The following DDX3X variants were observed in gnomAD, a reference collection of about 807,000 sequenced individuals.
DDX3X encodes the protein ATP-dependent RNA helicase DDX3X.
A neutral mutation model predicts 52.7 loss-of-function variants in DDX3X; 4 were observed. The observed-to-expected ratio is 0.08, with a 90% CI of 0.04 to 0.17. DDX3X has a LOEUF of 0.17. Ranked by LOEUF, DDX3X falls within the 10% of genes least tolerant of loss-of-function variation. The pLI is 1.00. For missense variants in DDX3X, 222 were observed against 548.6 expected, an observed-to-expected ratio of 0.40 and a Z score of 5.95; for synonymous variants, 192 against 178.1, an observed-to-expected ratio of 1.08 and a Z score of -0.62.
At position 41,346,666 on chromosome X, in the gene DDX3X, A is replaced by T. The variant is rs780407589; in HGVS notation, c.1615+44A>T. 10 of 1,057,633 alleles carry T rather than the reference A, an allele frequency of 9.5e-6. No homozygotes were observed. In the Admixed American group the frequency reaches 9.7e-5, roughly 10 times the overall value. 87.2% of individuals were successfully genotyped at this position (1,057,633 alleles called of 1,213,427 possible). On this transcript the variant is annotated intron_variant, in intron 14 of 16. Coordinates refer to ENST00000644876, the MANE Select transcript of DDX3X (RefSeq NM_001356.5). Reference sequence around the variant, plus strand: ...GATGGTTTCATTGTTTTTTGCTGTGATGTGTGCAGGAAAGAACTTGCTAGG... The same window carrying T: ...GATGGTTTCATTGTTTTTTGCTGTGTTGTGTGCAGGAAAGAACTTGCTAGG...
chrX:41,344,022 T>C lies in DDX3X; in HGVS notation c.766-8T>C. On this transcript the variant is annotated splice_region_variant and splice_polypyrimidine_tract_variant and intron_variant, in intron 8 of 16. Transcript: ENST00000644876. ...TAGAGTTAACTTAAAAATTAACTTA[T>C]TTCTTAGGAAAATGGAAGGTATGGG... 1.8e-5 allele frequency: 22 copies of C among 1,191,852 alleles called. No individual in the cohort carries two copies. The highest frequency in any genetic ancestry group is 2.5e-5 in the Non-Finnish European group (22 of 885,734).
chrX:41,357,212 G>A (rs2064012930), intron 5 of DDX3X, among the ~76,000 whole-genome samples: 1 of 111,160 alleles, frequency 9.0e-6, no homozygotes, highest in Admixed American at 9.7e-5. Flanking sequence ...GGGATTACAA[G>A]CGTGAGCCAC....
chrX:41,345,673 C>T (rs988910974), intron 12 of DDX3X, 125 bp downstream of exon 12: 1 of 620,428 alleles, frequency 1.6e-6, no homozygotes, highest in Non-Finnish European at 2.4e-6. Flanking sequence ...TTGACCTGCT[C>T]TGTTTCTGAC....
rs750187385 is a variant in DDX3X at position 41,342,522 on chromosome X, C to T, written c.312C>T (p.Tyr104=). 13 of 1,209,879 alleles carry T rather than the reference C, an allele frequency of 1.1e-5. No homozygotes were observed. In the South Asian group the frequency reaches 1.4e-4, roughly 13 times the overall value. ...TTGATGATCGTGGACGGAGTGATTA[C>T]GATGGCATTGGCAGCCGTGGTGACA... The part of the protein sequence containing the change: ...GRFDDRGRSD[Y]DGIGSRGDRS... The change falls in exon 5 of 17, where the codon TAC becomes TAT. Residue 104 remains tyrosine (Y), a synonymous_variant. Transcript: ENST00000644876.
rs140676532 is a variant in DDX3X, at chrX:41,335,470, T to G, written c.45+1173T>G. 8.2e-3 allele frequency: 906 copies of G among 110,720 alleles called. 10 individuals are homozygous for G. Among genetic ancestry groups the G allele is most frequent in the African/African-American group, 0.028 (839 of 30,352 alleles). The allele number at this position is 110,720 out of a possible 1,213,427, so 9.1% of individuals were successfully genotyped here. A position where few individuals can be genotyped will look rare whatever the true frequency, so the allele number is the denominator to read the frequency against. Reference sequence around the variant, plus strand: ...TTTAGGGGCAGAGGAGAGAAAGATGTGTGATTTGAGAGGAGAAGGTTATGG... The same window carrying G: ...TTTAGGGGCAGAGGAGAGAAAGATGGGTGATTTGAGAGGAGAAGGTTATGG... On this transcript the variant is annotated intron_variant, in intron 1 of 16. Coordinates refer to ENST00000644876, the MANE Select transcript of DDX3X (RefSeq NM_001356.5).
intron 5 of DDX3X, among the ~76,000 whole-genome samples, chrX:41,356,899 C>T (rs1254091055): frequency 1.9e-5 from 2 of 107,359 alleles, no homozygotes; most frequent in East Asian, 5.8e-4. Flanking sequence ...GCCTATCCTT[C>T]CACCATTCCT....
chrX:41,354,368 G>T, downstream of DDX3X, among the ~76,000 whole-genome samples: 1 of 32,769 alleles, frequency 3.1e-5, no homozygotes, highest in East Asian at 8.5e-3. Context: ...TTTTGAGACA[G>T]GGTTGCGCAG....
chrX:41,358,901 GGT>G (rs1199051520), intron 5 of DDX3X, among the ~76,000 whole-genome samples: 1 of 111,566 alleles, frequency 9.0e-6, no homozygotes, highest in African/African-American at 3.3e-5. Context: ...TGGGATTACA[GGT>G]GCCCACCACC....
intron 12 of DDX3X, 59 bp from the exon 13 acceptor site, chrX:41,346,170 T>C (rs1451165701): frequency 3.9e-6 from 4 of 1,037,232 alleles, no homozygotes; most frequent in Non-Finnish European, 5.2e-6. Flanking sequence ...TGTGCATACA[T>C]AAGTGCAAAG....
intron 16 of DDX3X, 58 bp from the exon 17 acceptor site, chrX:41,347,582 T>A (rs187369905): frequency 8.9e-7 from 1 of 1,121,594 alleles, no homozygotes; most frequent in African/African-American, 1.8e-5. Flanking sequence ...AAGGGAAGGA[T>A]TGTATTTAAT....
rs2063940667 is a variant in DDX3X at position 41,347,390 on chromosome X, C to T, written c.1848C>T (p.Ser616=). ...SGASSSSFSS[S]RASSSRSGGG... ...CCAGCAGTTCCAGCTTCAGCAGCAG[C>T]CGCGCAAGCAGCAGCCGCAGTGGCG... Residue 616 remains serine (S), a synonymous_variant, in exon 16 of 17, where the codon AGC becomes AGT. Coordinates refer to ENST00000644876, the MANE Select transcript of DDX3X (RefSeq NM_001356.5). The T allele has an allele frequency of 1.7e-6, 2 of 1,209,800 alleles. No homozygotes were observed. Among genetic ancestry groups the T allele is most frequent in the Non-Finnish European group, 2.2e-6 (2 of 895,004 alleles).
Position 41,346,827 on chromosome X carries a change from T to C in DDX3X, c.1616-32T>C, listed in dbSNP as rs781310064. Reference sequence around the variant, plus strand: ...TAGCAAGTTACTTTATGGAAGACCTTTGTTTATATACTTTTTTGGGAACTC... The same window carrying C: ...TAGCAAGTTACTTTATGGAAGACCTCTGTTTATATACTTTTTTGGGAACTC... On this transcript the variant is annotated intron_variant, in intron 14 of 16. Transcript: ENST00000644876. 1.7e-5 allele frequency: 20 copies of C among 1,166,070 alleles called. No individual in the cohort carries two copies. The South Asian group carries it at 3.5e-4, about 20-fold the overall frequency.
intron 5 of DDX3X, among the ~76,000 whole-genome samples, chrX:41,363,416 CTCTG>C (rs2064036972): frequency 9.1e-6 from 1 of 109,529 alleles, no homozygotes. Context: ...TAGAGTGAGA[CTCTG>C]TCTCACAAAA....
At chrX:41,355,293 A>G (rs1314321490) in intron 5 of DDX3X, among the ~76,000 whole-genome samples, 9 of 111,595 alleles carry the variant, frequency 8.1e-5, no homozygotes, top group Non-Finnish European at 1.7e-4. Context: ...GTTTTCATTT[A>G]TGTGGCATAA....
At chrX:41,334,339 T>A (rs1446712383) in intron 1 of DDX3X, 42 bp downstream of exon 1, 4 of 1,197,158 alleles carry the variant, frequency 3.3e-6, no homozygotes, top group African/African-American at 1.7e-5. Flanking sequence ...CTGCGTGAAT[T>A]CCTCCCCTGA....
chrX:41,341,652 A>G, intron 4 of DDX3X, 36 bp downstream of exon 4: 1 of 1,176,231 alleles, frequency 8.5e-7, no homozygotes, highest in Non-Finnish European at 1.2e-6. Flanking sequence ...GTGTATGTAT[A>G]ATAACAGTTT....
intron 3 of DDX3X, chrX:41,341,011 G>A (rs1199698351): frequency 1.3e-5 from 3 of 236,982 alleles, no homozygotes; most frequent in Non-Finnish European, 2.3e-5. Flanking sequence ...AGACAAGGGT[G>A]TTTCACTCTT....
chrX:41,342,782 C>T lies in DDX3X; in HGVS notation c.489C>T (p.Tyr163=), dbSNP rs769546741. 2.5e-5 allele frequency: 30 copies of T among 1,209,584 alleles called. No individual in the cohort carries two copies. The highest frequency in any genetic ancestry group is 2.0e-4 in the Admixed American group (9 of 45,740). ...ACACTGGGATTAATTTTGAGAAATA[C>T]GATGACATTCCAGTTGAGGCAACAG... is the stretch of plus-strand genomic sequence containing the variant. The part of the protein sequence containing the change: ...GGNTGINFEK[Y]DDIPVEATGN... The change falls in exon 6 of 17, where the codon TAC becomes TAT. Residue 163 remains tyrosine, a synonymous_variant. Transcript: ENST00000644876.
At chrX:41,362,238 G>A (rs1284789363) in intron 5 of DDX3X, among the ~76,000 whole-genome samples, 2 of 109,853 alleles carry the variant, frequency 1.8e-5, no homozygotes, top group African/African-American at 3.3e-5. Flanking sequence ...ACAGGCGTGT[G>A]CCACCACGCC....
Sources: gnomAD v4.1 joint callset for allele counts (sites outside exome capture counted in the v4.1 genomes callset) on GRCh38, gnomAD v4.1.1 for gene constraint, MANE v1.5 for transcripts, NCBI Gene and HGNC (gene_info 2026-07-23, HGNC 2026-07-21) for gene names.